BIN3: variants seen among roughly 807,000 people sequenced by gnomAD.
The protein encoded by BIN3 is bridging integrator 3.
A neutral mutation model predicts 38.2 loss-of-function variants in BIN3; 41 were observed. The observed-to-expected ratio is 1.07, with a 90% confidence interval of 0.84 to 1.39. BIN3 has a LOEUF of 1.39. Ranked by LOEUF, BIN3 falls within the 40% of genes most tolerant of loss-of-function variation. The pLI, the probability that BIN3 is intolerant of heterozygous loss-of-function variation, is 0.00. For missense variants in BIN3, 361 were observed against 324.3 expected, an observed-to-expected ratio of 1.11 and a Z score of -0.87; for synonymous variants, 145 against 122.6, an observed-to-expected ratio of 1.18 and a Z score of -1.21.
chr8:22,636,392 G>T, intron 4 of BIN3, 133 bp downstream of exon 4: 1 of 877,708 alleles, frequency 1.1e-6, no homozygotes, highest in Non-Finnish European at 1.8e-6. Flanking sequence ...ACTGCCCTGA[G>T]GCTGCTTCTC....
intron 4 of BIN3, among the ~76,000 whole-genome samples, chr8:22,635,100 G>A (rs548621060): frequency 1.3e-4 from 20 of 152,232 alleles, no homozygotes; most frequent in African/African-American, 3.6e-4. Flanking sequence ...GGGCCTCCGC[G>A]CTTGCTGTCC....
chr8:22,624,552 G>A, intron 6 of BIN3, 189 bp from the exon 7 acceptor site: 1 of 666,652 alleles, frequency 1.5e-6, no homozygotes, highest in Non-Finnish European at 2.5e-6. Flanking sequence ...TCTAGGTCTT[G>A]GGGAGTTCAC....
intron 2 of BIN3, among the ~76,000 whole-genome samples, chr8:22,642,767 G>A (rs900597663): frequency 2.0e-5 from 3 of 152,240 alleles, no homozygotes; most frequent in Non-Finnish European, 4.4e-5. Flanking sequence ...ACAGCATGTG[G>A]CAGGGCCAGG....
At chr8:22,632,991 G>A (rs532763410) in intron 4 of BIN3, among the ~76,000 whole-genome samples, 2 of 152,298 alleles carry the variant, frequency 1.3e-5, no homozygotes, top group Admixed American at 6.5e-5. Flanking sequence ...TTACAGGTGT[G>A]AGCCACTGCG....
At chr8:22,647,107 T>C (rs943865823) in intron 1 of BIN3, among the ~76,000 whole-genome samples, 1 of 151,804 alleles carries the variant, frequency 6.6e-6, no homozygotes, top group South Asian at 2.1e-4. Flanking sequence ...AACAAAGGAG[T>C]TGGAATCCCT....
rs1323056371 is a variant in BIN3 at position 22,636,550 on chromosome 8, C to T, written c.135G>A (p.Met45Ile). Residue 45 changes from methionine (M) to isoleucine (I), a missense_variant, in exon 4 of 9, where the codon ATG (methionine) becomes ATA (isoleucine). By Grantham distance (10) the Met-to-Ile change is conservative. Coordinates refer to ENST00000276416, the MANE Select transcript of BIN3 (RefSeq NM_018688.6). ...CCAGGTCTGCGTCGGTGCTCTTCTT[C>T]ATGTCTTTCTGCAGCCTCCGGGTCT... is the stretch of plus-strand genomic sequence containing the variant. ...EEQTRRLQKDMKKSTDADLAM... is the reference protein window; with the variant it reads ...EEQTRRLQKDIKKSTDADLAM... The T allele has an allele frequency of 3.9e-6, 6 of 1,552,820 alleles. No homozygotes were observed. The highest frequency in any genetic ancestry group is 5.2e-6 in the Non-Finnish European group (6 of 1,147,812).
chr8:22,640,102 T>TC (rs770398944), intron 2 of BIN3, among the ~76,000 whole-genome samples: 13 of 151,106 alleles, frequency 8.6e-5, no homozygotes, highest in South Asian at 2.1e-4. Context: ...CCTCAGGTGA[T>TC]CCCCCCCGCC....
At chr8:22,650,463 G>C (rs1480331210) in intron 1 of BIN3, among the ~76,000 whole-genome samples, 1 of 152,170 alleles carries the variant, frequency 6.6e-6, no homozygotes, top group East Asian at 1.9e-4. Context: ...GTATCAAACT[G>C]AGGATGACCT....
At chr8:22,660,526 C>G (rs1259875411) in intron 1 of BIN3, among the ~76,000 whole-genome samples, 1 of 152,156 alleles carries the variant, frequency 6.6e-6, no homozygotes, top group Non-Finnish European at 1.5e-5. Flanking sequence ...GAAAGTTTGG[C>G]CCCTAGAAAG....
chr8:22,653,701 CAG>C lies in BIN3; in HGVS notation c.9-8900_9-8899del, dbSNP rs369665114. Among the ~76,000 whole-genome samples the C allele has an allele frequency of 5.5e-3, 844 of 152,300 alleles. 9 individuals are homozygous for C. Among genetic ancestry groups the C allele is most frequent in the African/African-American group, 0.02 (814 of 41,544 alleles). Reference sequence around the variant, plus strand: ...GAAGAAGTAAAAGCAGGAATGAAGACAGAGGTTTTCCTAACTCGCTGCAATGT... The same window carrying C: ...GAAGAAGTAAAAGCAGGAATGAAGACAGGTTTTCCTAACTCGCTGCAATGT... On this transcript the variant is annotated intron_variant, in intron 1 of 8. Transcript: ENST00000276416.
At chr8:22,637,057 G>T (rs868488189) in intron 2 of BIN3, 95 bp from the exon 3 acceptor site, 1 of 1,128,896 alleles carries the variant, frequency 8.9e-7, no homozygotes, top group African/African-American at 1.5e-5. Flanking sequence ...CCCTGCCCCA[G>T]TCCGCAGAAA....
At chr8:22,643,336 C>CT (rs35513451) in intron 2 of BIN3, among the ~76,000 whole-genome samples, 43,677 of 150,140 alleles carry the variant, frequency 0.29, 7,053 homozygotes, top group South Asian at 0.42. Flanking sequence ...CACCCCCCAA[C>CT]TTTTTTTTTT....
At chr8:22,629,896 G>A in intron 6 of BIN3, 68 bp downstream of exon 6, 1 of 1,432,294 alleles carries the variant, frequency 7.0e-7, no homozygotes, top group South Asian at 1.2e-5. Context: ...ATCCTCTTCA[G>A]TCCCCAAGTG....
At chr8:22,639,268 G>T (rs184044760) in intron 2 of BIN3, among the ~76,000 whole-genome samples, 13 of 148,718 alleles carry the variant, frequency 8.7e-5, no homozygotes, top group African/African-American at 3.2e-4. Context: ...GTTTTGCTCT[G>T]TTGCCCAGGC....
intron 8 of BIN3, among the ~76,000 whole-genome samples, chr8:22,623,072 C>A (rs539806321): frequency 6.6e-6 from 1 of 152,342 alleles, no homozygotes; most frequent in East Asian, 1.9e-4. Context: ...CCCAGCCACG[C>A]TCAGACCACC....
At chr8:22,667,277 A>C (rs1803451889) in intron 1 of BIN3, among the ~76,000 whole-genome samples, 1 of 152,118 alleles carries the variant, frequency 6.6e-6, no homozygotes, top group South Asian at 2.1e-4. Flanking sequence ...TGACAGGATA[A>C]CCTTTAAGGA....
At position 22,621,158 on chromosome 8, in the gene BIN3, G is replaced by C. The variant is rs1801788451; in HGVS notation, c.*264C>G. 1 of 455,116 alleles carries C rather than the reference G, an allele frequency of 2.2e-6. No individual in the cohort carries two copies. Among genetic ancestry groups the C allele is most frequent in the African/African-American group, 2.0e-5 (1 of 50,312 alleles). The allele number at this position is 455,116 out of a possible 1,614,324, so 28.2% of individuals were successfully genotyped here. A position where few individuals can be genotyped will look rare whatever the true frequency, so the allele number is the denominator to read the frequency against. On this transcript the variant is annotated 3_prime_UTR_variant, in exon 9 of 9. Transcript: ENST00000276416. ...TGCAGCTTGCTCAGGCCGTGGGCCAGGATGCATGCTGGACGGTTCTCCAAA... is the reference window on the plus strand; with the variant it reads ...TGCAGCTTGCTCAGGCCGTGGGCCACGATGCATGCTGGACGGTTCTCCAAA...
In BIN3 at chr8:22,632,277, C is replaced by T. The variant is rs141868254; in HGVS notation, c.161-1699G>A. On this transcript the variant is annotated intron_variant, in intron 4 of 8. Coordinates refer to ENST00000276416, the MANE Select transcript of BIN3 (RefSeq NM_018688.6). ...GGCATGAACCTGAACCCTGACCCTGCGCTCCCCGGGGAAGGGTCTGCCTCC... is the reference window on the plus strand; with the variant it reads ...GGCATGAACCTGAACCCTGACCCTGTGCTCCCCGGGGAAGGGTCTGCCTCC... Among the ~76,000 whole-genome samples the T allele has an allele frequency of 3.2e-4, 49 of 152,290 alleles. 1 individual carries two copies. The East Asian group carries it at 7.3e-3, about 23-fold the overall frequency.
At chr8:22,650,178 C>T (rs558485645) in intron 1 of BIN3, among the ~76,000 whole-genome samples, 1 of 152,272 alleles carries the variant, frequency 6.6e-6, no homozygotes, top group South Asian at 2.1e-4. Flanking sequence ...TTGGTGTGCA[C>T]TAAGAGTCAT....
Sources: gnomAD v4.1 joint callset for allele counts (sites outside exome capture counted in the v4.1 genomes callset) on GRCh38, gnomAD v4.1.1 for gene constraint, MANE v1.5 for transcripts, NCBI Gene and HGNC (gene_info 2026-07-23, HGNC 2026-07-21) for gene names.